The following FMN1 variants were observed in gnomAD, a reference collection of about 807,000 sequenced individuals.
The protein encoded by FMN1 is formin-1.
A neutral mutation model predicts 132.4 loss-of-function variants in FMN1; 110 were observed. The observed-to-expected ratio is 0.83, with a 90% CI of 0.71 to 0.97. The LOEUF (loss-of-function observed/expected upper bound fraction) is 0.97, where lower values mean the gene tolerates loss of function less well. Ranked by LOEUF, FMN1 falls within the 50% of genes least tolerant of loss-of-function variation. The pLI is 0.00. For missense variants in FMN1, 1,792 were observed against 1,705.3 expected (o/e 1.05, Z -0.90); for synonymous variants, 722 against 651.7 (o/e 1.11, Z -1.64).
At chr15:32,998,113 T>C (rs1323875553) in intron 7 of FMN1, among the ~76,000 whole-genome samples, 1 of 152,214 alleles carries the variant, frequency 6.6e-6, no homozygotes, top group African/African-American at 2.4e-5. Flanking sequence ...CATCCATGCT[T>C]TATTTGAAAA....
At chr15:32,899,688 T>A in intron 14 of FMN1, 1 of 424,682 alleles carries the variant, frequency 2.4e-6, no homozygotes, top group Non-Finnish European at 4.2e-6. Context: ...GTATGCTATC[T>A]GTTTTGTTCT....
At chr15:32,956,673 C>A (rs74014360) in intron 9 of FMN1, among the ~76,000 whole-genome samples, 6,940 of 152,240 alleles carry the variant, frequency 0.046, 202 homozygotes, top group Middle Eastern at 0.11. Flanking sequence ...AACCCCATTG[C>A]TCAGTTGTCA....
rs2056070826 is a variant in FMN1, at chr15:32,766,999, C to T, written c.*7311G>A. 1 of 152,222 alleles carries T rather than the reference C, an allele frequency of 6.6e-6. No homozygotes were observed. The highest frequency in any genetic ancestry group is 1.5e-5 in the Non-Finnish European group (1 of 68,078). The allele number at this position is 152,222 out of a possible 1,614,324, so 9.4% of individuals were successfully genotyped here. A position where few individuals can be genotyped will look rare whatever the true frequency, so the allele number is the denominator to read the frequency against. On this transcript the variant is annotated 3_prime_UTR_variant, in exon 21 of 21. Transcript: ENST00000616417. The stretch of plus-strand genomic sequence containing the variant: ...ATTGTTGGAGCTGTTAAACCAAGCA[C>T]AGACCAGTTTCACTGGGGTACCTGC...
intron 6 of FMN1, among the ~76,000 whole-genome samples, chr15:33,046,333 T>G (rs1483628676): frequency 6.9e-6 from 1 of 144,762 alleles, no homozygotes; most frequent in Admixed American, 6.8e-5. Flanking sequence ...TGCACTGAAG[T>G]GCATTTGAAA....
intron 5 of FMN1, among the ~76,000 whole-genome samples, chr15:33,079,979 T>G (rs918375621): frequency 6.6e-6 from 1 of 152,222 alleles, no homozygotes; most frequent in Non-Finnish European, 1.5e-5. Context: ...ACACATGATC[T>G]GTCTCTCATT....
rs954532671 is a variant in FMN1, at chr15:33,154,180, G to C, written c.735C>G (p.Asp245Glu). ...CAAAGCTCCCAAAGCCAAGGTCTGTGTCTGGCGTCTTGGGAATATCTGGGG... is the reference window on the plus strand; with the variant it reads ...CAAAGCTCCCAAAGCCAAGGTCTGTCTCTGGCGTCTTGGGAATATCTGGGG... ...SCPPDIPKTPDTDLGFGSFET... is the reference protein window; with the variant it reads ...SCPPDIPKTPETDLGFGSFET... The change falls in exon 4 of 21, where the codon GAC becomes GAG. Residue 245 changes from aspartate (D) to glutamate (E), a missense_variant. This residue lies in a region of FMN1 where 638 missense variants were observed against 645.2 expected (regional missense o/e 0.99). Transcript: ENST00000616417. 6.5e-7 allele frequency: 1 copy of C among 1,536,444 alleles called. No homozygotes were observed. Among genetic ancestry groups the C allele is most frequent in the African/African-American group, 1.4e-5 (1 of 73,162 alleles).
At chr15:32,860,578 A>G (rs768410160) in intron 16 of FMN1, 7 of 152,278 alleles carry the variant, frequency 4.6e-5, no homozygotes, top group Non-Finnish European at 1.0e-4. Flanking sequence ...ACCTGAACCC[A>G]GGGAGGTCGA....
chr15:33,010,173 A>C (rs1242969103), intron 6 of FMN1, among the ~76,000 whole-genome samples: 3 of 152,184 alleles, frequency 2.0e-5, no homozygotes, highest in Non-Finnish European at 4.4e-5. Context: ...AAGAATCTTA[A>C]AGGCACTATG....
Position 32,926,256 on chromosome 15 carries a change from G to T in FMN1, c.3144C>A (p.Ile1048=). ...YEKKNKVKKI[I]KLLDGKRSQT... is the part of the protein sequence containing the mutation. ...GAGATCGTTTTCCATCCAACAATTTGATGATCTAAAATTAGAAAAAAAAAA... is the reference window on the plus strand; with the variant it reads ...GAGATCGTTTTCCATCCAACAATTTTATGATCTAAAATTAGAAAAAAAAAA... The change falls in exon 10 of 21, where the codon ATC becomes ATA. Residue 1048 remains isoleucine (I), a synonymous_variant. Coordinates refer to ENST00000616417, the MANE Select transcript of FMN1 (RefSeq NM_001277313.2). The T allele has an allele frequency of 2.1e-6, 3 of 1,458,630 alleles. No homozygotes were observed. Among genetic ancestry groups the T allele is most frequent in the African/African-American group, 1.5e-5 (1 of 67,936 alleles). 90.4% of individuals were successfully genotyped at this position (1,458,630 alleles called of 1,614,324 possible).
rs147371129 is a variant in FMN1, at chr15:32,893,432, G to A, written c.3715-5140C>T. Among the ~76,000 whole-genome samples, 161 of 152,366 alleles carry A rather than the reference G, an allele frequency of 1.1e-3. 2 individuals are homozygous for A. In the East Asian group the frequency reaches 0.021, roughly 20 times the overall value. The stretch of plus-strand genomic sequence containing the variant: ...AAGGAAATGTTGCTGAGTGTATCAG[G>A]CTGGTAGCAGCTCTTATGAAAGCTG... On this transcript the variant is annotated intron_variant, in intron 15 of 20. Coordinates refer to ENST00000616417, the MANE Select transcript of FMN1 (RefSeq NM_001277313.2).
intron 10 of FMN1, among the ~76,000 whole-genome samples, chr15:32,922,439 G>A (rs2060853542): frequency 6.6e-6 from 1 of 152,188 alleles, no homozygotes; most frequent in Non-Finnish European, 1.5e-5. Context: ...TCCTGGCAAA[G>A]AAATGCATAA....
intron 5 of FMN1, among the ~76,000 whole-genome samples, chr15:33,081,701 CTAG>C (rs2038466704): frequency 6.6e-6 from 1 of 152,152 alleles, no homozygotes; most frequent in African/African-American, 2.4e-5. Flanking sequence ...GTACTTGAGT[CTAG>C]ACTCAGATCT....
chr15:33,099,755 C>T (rs941665820), intron 4 of FMN1, among the ~76,000 whole-genome samples: 1 of 152,186 alleles, frequency 6.6e-6, no homozygotes, highest in African/African-American at 2.4e-5. Flanking sequence ...ATAATCCAGT[C>T]ATTCTCTAAA....
At chr15:32,813,844 AATAATTTT>A (rs2141059837) in intron 17 of FMN1, among the ~76,000 whole-genome samples, 1 of 152,334 alleles carries the variant, frequency 6.6e-6, no homozygotes, top group South Asian at 2.1e-4. Flanking sequence ...CTAATAATTT[AATAATTTT>A]GGCTAATAAT....
chr15:33,099,908 C>T (rs746280261), intron 4 of FMN1, among the ~76,000 whole-genome samples: 4 of 152,182 alleles, frequency 2.6e-5, no homozygotes, highest in Non-Finnish European at 4.4e-5. Flanking sequence ...GAATACACAG[C>T]TGTGGGACTC....
chr15:33,001,629 T>G (rs1220485384), intron 7 of FMN1, among the ~76,000 whole-genome samples: 12 of 129,600 alleles, frequency 9.3e-5, no homozygotes, highest in African/African-American at 3.2e-4. Context: ...GTGGTCTTTG[T>G]GCTTTTTTTT....
intron 11 of FMN1, among the ~76,000 whole-genome samples, chr15:32,909,968 C>G (rs2060518009): frequency 6.6e-6 from 1 of 152,116 alleles, no homozygotes; most frequent in South Asian, 2.1e-4. Flanking sequence ...AGCCCAAGGT[C>G]ACTTAGCAGG....
intron 4 of FMN1, among the ~76,000 whole-genome samples, chr15:33,147,146 C>T: frequency 7.3e-6 from 1 of 137,230 alleles, no homozygotes; most frequent in African/African-American, 2.7e-5. Context: ...GCCTGGGAAA[C>T]AAGAGCGAGA....
intron 4 of FMN1, among the ~76,000 whole-genome samples, chr15:33,118,610 CAAGA>C (rs1199192846): frequency 1.3e-5 from 2 of 151,996 alleles, no homozygotes; most frequent in South Asian, 2.1e-4. Flanking sequence ...CTGTAGGAAA[CAAGA>C]AATCAGAAAA....
Sources: gnomAD v4.1 joint callset for allele counts (sites outside exome capture counted in the v4.1 genomes callset) on GRCh38, gnomAD v4.1.1 for gene constraint, gnomAD v4.1.1 regional missense constraint, MANE v1.5 for transcripts, NCBI Gene and HGNC (gene_info 2026-07-23, HGNC 2026-07-21) for gene names.